NRXN1: variants seen among roughly 807,000 people sequenced by gnomAD.
NRXN1 encodes the protein neurexin 1, also known as neurexin-1.
In NRXN1, 39 loss-of-function variants were observed where a neutral mutation model predicts 150.9. The ratio of observed to expected loss-of-function variants is 0.26; its 90% CI spans 0.20 to 0.34. NRXN1 has a LOEUF of 0.34. Ranked by LOEUF, NRXN1 falls within the 10% of genes least tolerant of loss-of-function variation. The probability of loss-of-function intolerance (pLI) is 1.00; values close to 1 mark genes in which losing one functional copy is unlikely to be tolerated. For synonymous variants in NRXN1, 924 were observed against 757.0 expected, an observed-to-expected ratio of 1.22 and a Z score of -3.62; for missense variants, 1,815 against 1,949.9, an observed-to-expected ratio of 0.93 and a Z score of 1.30.
intron 8 of NRXN1, among the ~76,000 whole-genome samples, chr2:50,586,365 A>G (rs1194828644): frequency 1.3e-5 from 2 of 152,148 alleles, no homozygotes; most frequent in Non-Finnish European, 2.9e-5. Context: ...CACAGTAATA[A>G]CAGCCACAGA....
At chr2:50,107,541 T>TATA (rs113045952) in intron 18 of NRXN1, among the ~76,000 whole-genome samples, 2,787 of 111,678 alleles carry the variant, frequency 0.025, 59 homozygotes, top group African/African-American at 0.07. Flanking sequence ...ATATATATAT[T>TATA]TTTTTTTTTT....
At chr2:49,946,479 TGCC>T (rs1672912759) in intron 21 of NRXN1, among the ~76,000 whole-genome samples, 1 of 152,208 alleles carries the variant, frequency 6.6e-6, no homozygotes, top group Admixed American at 6.5e-5. Context: ...TAAATGGTAT[TGCC>T]TAGGTTTTCT....
chr2:50,613,009 A>AC (rs1262264302), intron 8 of NRXN1, among the ~76,000 whole-genome samples: 1 of 152,210 alleles, frequency 6.6e-6, no homozygotes, highest in Non-Finnish European at 1.5e-5. Context: ...TCTAGAAGAA[A>AC]CTAGGCTGGG....
intron 11 of NRXN1, 36 bp downstream of exon 11, chr2:50,531,191 A>C (rs371672586): frequency 1.3e-6 from 2 of 1,556,274 alleles, no homozygotes; most frequent in East Asian, 4.6e-5. Flanking sequence ...AAAAAGTAAA[A>C]AAGTGTTAGT....
chr2:50,837,719 A>T (rs1377849780), intron 5 of NRXN1, among the ~76,000 whole-genome samples: 2 of 152,156 alleles, frequency 1.3e-5, no homozygotes, highest in African/African-American at 4.8e-5. Flanking sequence ...CATAAACCAG[A>T]AATATTTTTG....
chr2:50,833,559 T>A (rs1410197393), intron 5 of NRXN1, among the ~76,000 whole-genome samples: 1 of 152,174 alleles, frequency 6.6e-6, no homozygotes, highest in Non-Finnish European at 1.5e-5. Context: ...CAGTTCCACA[T>A]GTTATGATTA....
intron 18 of NRXN1, among the ~76,000 whole-genome samples, chr2:50,114,953 A>C (rs1288896543): frequency 6.6e-6 from 1 of 151,876 alleles, no homozygotes; most frequent in Non-Finnish European, 1.5e-5. Flanking sequence ...GTCATTATAC[A>C]TTTGCCAAAA....
intron 15 of NRXN1, among the ~76,000 whole-genome samples, chr2:50,487,706 T>C (rs940660045): frequency 3.3e-5 from 5 of 152,194 alleles, no homozygotes; most frequent in African/African-American, 1.2e-4. Flanking sequence ...GTGTTATTAC[T>C]GAAATCCAAC....
intron 9 of NRXN1, among the ~76,000 whole-genome samples, chr2:50,543,004 C>T (rs1198398239): frequency 1.3e-5 from 2 of 151,972 alleles, no homozygotes; most frequent in African/African-American, 4.8e-5. Context: ...ATATTTAAAC[C>T]TGGTTCATTG....
At chr2:50,309,856 A>AG (rs966339943) in intron 17 of NRXN1, among the ~76,000 whole-genome samples, 2 of 152,140 alleles carry the variant, frequency 1.3e-5, no homozygotes, top group Non-Finnish European at 2.9e-5. Flanking sequence ...AAACTAAAAA[A>AG]AATGTTCACA....
intron 17 of NRXN1, among the ~76,000 whole-genome samples, chr2:50,343,462 TAG>T (rs2077700701): frequency 6.8e-6 from 1 of 147,826 alleles, no homozygotes; most frequent in African/African-American, 2.6e-5. Context: ...TCTATTTAAC[TAG>T]AAAAAAAAAA....
chr2:50,719,734 C>T (rs1696383954), intron 5 of NRXN1, among the ~76,000 whole-genome samples: 2 of 152,104 alleles, frequency 1.3e-5, no homozygotes. Context: ...TGGATTTATT[C>T]TTGATTGGGA....
intron 5 of NRXN1, among the ~76,000 whole-genome samples, chr2:50,680,609 T>C (rs1240719152): frequency 6.6e-6 from 1 of 152,154 alleles, no homozygotes; most frequent in African/African-American, 2.4e-5. Context: ...TTTAGATTGA[T>C]AACCTTTATA....
chr2:51,012,268 G>A (rs1341536526), intron 2 of NRXN1, among the ~76,000 whole-genome samples: 1 of 151,866 alleles, frequency 6.6e-6, no homozygotes, highest in African/African-American at 2.4e-5. Flanking sequence ...ATGCCTTAGT[G>A]CAAACTGTTT....
At chr2:50,730,672 C>CTTTTTTTTTTTTTTTTTTTTTTTTT (rs56042523) in intron 5 of NRXN1, among the ~76,000 whole-genome samples, 1 of 122,026 alleles carries the variant, frequency 8.2e-6, no homozygotes, top group Admixed American at 9.4e-5. Context: ...TTCTTGTTTT[C>CTTTTTTTTTTTTTTTTTTTTTTTTT]TTTTTTTTTT....
intron 5 of NRXN1, among the ~76,000 whole-genome samples, chr2:50,810,189 A>C (rs1028244966): frequency 2.6e-4 from 40 of 152,280 alleles, no homozygotes; most frequent in African/African-American, 9.1e-4. Context: ...AGGTCCAACT[A>C]ATTCCAAGCA....
At chr2:50,207,024 T>C (rs574837537) in intron 18 of NRXN1, among the ~76,000 whole-genome samples, 7 of 152,108 alleles carry the variant, frequency 4.6e-5, no homozygotes, top group Admixed American at 1.3e-4. Flanking sequence ...AAACAGCTGC[T>C]CTTCTAGCAC....
chr2:50,150,793 C>T (rs991970266), intron 18 of NRXN1, among the ~76,000 whole-genome samples: 1 of 151,646 alleles, frequency 6.6e-6, no homozygotes, highest in Non-Finnish European at 1.5e-5. Context: ...TTGCTATGTT[C>T]TTACATGACC....
At chr2:50,654,830 T>G (rs1348060158) in intron 5 of NRXN1, among the ~76,000 whole-genome samples, 1 of 152,050 alleles carries the variant, frequency 6.6e-6, no homozygotes, top group Non-Finnish European at 1.5e-5. Context: ...AATGTCTTCT[T>G]TTGAGAAGTG....
Sources: gnomAD v4.1 joint callset for allele counts (sites outside exome capture counted in the v4.1 genomes callset) on GRCh38, gnomAD v4.1.1 for gene constraint, MANE v1.5 for transcripts, NCBI Gene and HGNC (gene_info 2026-07-23, HGNC 2026-07-21) for gene names.